Variants in CAST observed in about 807,000 individuals in gnomAD.
The protein encoded by CAST is MIR583 host.
In CAST, 76 loss-of-function variants were observed where a neutral mutation model predicts 119.6. The observed-to-expected ratio is 0.64, with a 90% CI of 0.53 to 0.77. The LOEUF (loss-of-function observed/expected upper bound fraction) is 0.77. Among genes scored for constraint, CAST ranks in the 30% least tolerant of loss-of-function variants. CAST has a pLI of 0.00. For missense variants in CAST, 953 were observed against 946.5 expected (o/e 1.01, Z -0.09); for synonymous variants, 319 against 331.6 (o/e 0.96, Z 0.41).
chr5:96,761,109 A>G (rs1005584873), intron 24 of CAST: 2 of 152,168 alleles, frequency 1.3e-5, no homozygotes, highest in African/African-American at 4.8e-5. Flanking sequence ...TCATTATTTT[A>G]TGCTTTTGTG....
At chr5:96,724,791 C>T (rs748908951) in intron 4 of CAST, among the ~76,000 whole-genome samples, 1 of 151,668 alleles carries the variant, frequency 6.6e-6, no homozygotes. Context: ...CCACTGCACT[C>T]CAGCCCAGGT....
intron 1 of CAST, among the ~76,000 whole-genome samples, chr5:96,581,706 T>C (rs261241): frequency 0.84 from 127,808 of 151,604 alleles, 54,143 homozygotes; most frequent in East Asian, 1. Context: ...CTGGCTAACA[T>C]GGTGAAACCC....
intron 2 of CAST, among the ~76,000 whole-genome samples, chr5:96,690,210 C>T (rs1752568614): frequency 6.6e-6 from 1 of 152,098 alleles, no homozygotes. Flanking sequence ...TGGGACATTT[C>T]ATTCAGTATG....
chr5:96,324,112 A>G, the CAST span, among the ~76,000 whole-genome samples: 1 of 152,198 alleles, frequency 6.6e-6, no homozygotes, highest in East Asian at 1.9e-4. Context: ...AAAATAGCCC[A>G]TATCTTATTG....
At chr5:96,269,219 A>G in the CAST span, among the ~76,000 whole-genome samples, 4 of 152,224 alleles carry the variant, frequency 2.6e-5, no homozygotes, top group Non-Finnish European at 4.4e-5. Context: ...AGAGACAAGG[A>G]AAATCATTAT....
At position 96,709,988 on chromosome 5, in the gene CAST, G is replaced by A. The variant is rs775988873; in HGVS notation, c.211-12651G>A. On this transcript the variant is annotated intron_variant, in intron 3 of 31. Coordinates refer to ENST00000675179, the MANE Select transcript of CAST (RefSeq NM_001750.7). ...TTCCTTGTGGTGCAAGAAAGGACGC[G>A]GGCTATAGAGAAAGTCACAAGTATC... Among the ~76,000 whole-genome samples the A allele has an allele frequency of 5.3e-5, 8 of 152,166 alleles. No homozygotes were observed. The East Asian group carries it at 1.5e-3, about 29-fold the overall frequency.
the CAST span, among the ~76,000 whole-genome samples, chr5:96,389,193 A>G: frequency 1.3e-5 from 2 of 152,214 alleles, no homozygotes; most frequent in African/African-American, 2.4e-5. Flanking sequence ...CATGAGGACT[A>G]TAGTTAATAA....
intron 1 of CAST, among the ~76,000 whole-genome samples, chr5:96,629,365 CT>C (rs1278029134): frequency 2.0e-5 from 3 of 152,024 alleles, no homozygotes; most frequent in African/African-American, 4.8e-5. Context: ...AGCTGGTGTT[CT>C]TCTGTTATAG....
chr5:96,389,220 G>A, the CAST span, among the ~76,000 whole-genome samples: 8 of 152,068 alleles, frequency 5.3e-5, no homozygotes, highest in Non-Finnish European at 1.2e-4. Context: ...ATTACATACT[G>A]GAAATTTGCT....
chr5:96,705,785 G>A (rs1482156742), intron 3 of CAST, among the ~76,000 whole-genome samples: 1 of 152,124 alleles, frequency 6.6e-6, no homozygotes, highest in African/African-American at 2.4e-5. Context: ...GAGCCCTTAT[G>A]TGCTGTGATG....
the CAST span, among the ~76,000 whole-genome samples, chr5:96,334,151 T>C: frequency 6.6e-6 from 1 of 152,210 alleles, no homozygotes; most frequent in African/African-American, 2.4e-5. Flanking sequence ...TTGTTGTTCA[T>C]TGTTAATTCA....
At chr5:96,546,127 C>G (rs1311974113) in intron 1 of CAST, 1 of 152,222 alleles carries the variant, frequency 6.6e-6, no homozygotes, top group Non-Finnish European at 1.5e-5. Context: ...AGGGTTACCT[C>G]TGAGTGTGAC....
chr5:96,646,423 G>C (rs1425436123), intron 1 of CAST, among the ~76,000 whole-genome samples: 1 of 152,194 alleles, frequency 6.6e-6, no homozygotes, highest in Non-Finnish European at 1.5e-5. Context: ...TACATAAGAT[G>C]TTATGCAGTC....
At chr5:96,399,235 A>G in the CAST span, among the ~76,000 whole-genome samples, 3 of 152,226 alleles carry the variant, frequency 2.0e-5, no homozygotes. Flanking sequence ...TAATACTTAA[A>G]TACAATGCTA....
the CAST span, among the ~76,000 whole-genome samples, chr5:96,168,322 A>G: frequency 6.6e-6 from 1 of 152,210 alleles, no homozygotes; most frequent in African/African-American, 2.4e-5. Flanking sequence ...TTCCTTTGGA[A>G]GTAAATTGGC....
chr5:96,041,554 T>G, the CAST span, among the ~76,000 whole-genome samples: 5 of 152,264 alleles, frequency 3.3e-5, no homozygotes, highest in East Asian at 9.6e-4. Context: ...TAAACTACTG[T>G]GGACCTTAGT....
intron 28 of CAST, 60 bp from the exon 29 acceptor site, chr5:96,767,847 C>A: frequency 1.1e-6 from 1 of 951,448 alleles, no homozygotes; most frequent in Non-Finnish European, 1.7e-6. Flanking sequence ...TGGGAAAAGA[C>A]CCCATATTGC....
chr5:96,104,239 T>C, the CAST span, among the ~76,000 whole-genome samples: 4 of 152,266 alleles, frequency 2.6e-5, no homozygotes, highest in Non-Finnish European at 5.9e-5. Context: ...TTTAGTTTAA[T>C]TACATCCCAT....
chr5:96,510,723 C>T, the CAST span, among the ~76,000 whole-genome samples: 1 of 152,172 alleles, frequency 6.6e-6, no homozygotes, highest in Non-Finnish European at 1.5e-5. Context: ...GATGTGATAA[C>T]AGCACTGTGG....
Sources: gnomAD v4.1 joint callset for allele counts (sites outside exome capture counted in the v4.1 genomes callset) on GRCh38, gnomAD v4.1.1 for gene constraint, MANE v1.5 for transcripts, NCBI Gene and HGNC (gene_info 2026-07-23, HGNC 2026-07-21) for gene names.